The following TTC39A variants were observed in gnomAD, a reference collection of about 807,000 sequenced individuals.
The protein encoded by TTC39A is tetratricopeptide repeat protein 39A.
Under a neutral mutation model 82.3 loss-of-function variants are expected in TTC39A, and 46 were observed. That is an observed-to-expected ratio of 0.56 (90% CI 0.44 to 0.71). The LOEUF (loss-of-function observed/expected upper bound fraction) is 0.71. Ranked by LOEUF, TTC39A falls within the 30% of genes least tolerant of loss-of-function variation. TTC39A has a pLI of 0.00. For missense variants in TTC39A, 543 were observed against 712.9 expected (o/e 0.76, Z 2.71); for synonymous variants, 254 against 275.2 (o/e 0.92, Z 0.76).
chr1:51,320,745 G>T (rs1052849983), intron 2 of TTC39A, among the ~76,000 whole-genome samples: 2 of 151,466 alleles, frequency 1.3e-5, no homozygotes, highest in African/African-American at 4.9e-5. Flanking sequence ...GAGCCACCAC[G>T]CCTAGTTAAA....
intron 5 of TTC39A, among the ~76,000 whole-genome samples, chr1:51,310,065 G>T (rs573646574): frequency 6.6e-6 from 1 of 151,802 alleles, no homozygotes; most frequent in African/African-American, 2.4e-5. Context: ...AGGAGTTTGA[G>T]ACCAGCCTGG....
chr1:51,296,147 G>T lies in TTC39A; in HGVS notation c.1077C>A (p.Ala359=). 6.3e-7 allele frequency: 1 copy of T among 1,597,362 alleles called. No individual in the cohort carries two copies. The highest frequency in any genetic ancestry group is 1.1e-5 in the South Asian group (1 of 88,058). Residue 359 remains alanine, a synonymous_variant, in exon 13 of 18, where the codon GCC becomes GCA. Transcript: ENST00000680483. ...WSKATYIYMK[A]AYLSMFGKED... ...CCTTCCCAAACATGCTGAGGTAGGC[G>T]GCCTTCATGTAAATGTAGGTGGCCT...
At chr1:51,328,547 C>T (rs1645797844) in intron 1 of TTC39A, among the ~76,000 whole-genome samples, 1 of 152,134 alleles carries the variant, frequency 6.6e-6, no homozygotes, top group African/African-American at 2.4e-5. Context: ...GACTTACACA[C>T]ACTGAGTAAA....
chr1:51,344,934 C>T (rs2148326279), intron 1 of TTC39A: 1 of 1,520,764 alleles, frequency 6.6e-7, no homozygotes, highest in Non-Finnish European at 8.8e-7. Context: ...CTGGGTCCTC[C>T]GGCGGCCCCT....
At chr1:51,303,325 G>GT (rs1644749874) in intron 8 of TTC39A, 133 bp from the exon 9 acceptor site, 2 of 719,696 alleles carry the variant, frequency 2.8e-6, no homozygotes, top group Non-Finnish European at 4.6e-6. Flanking sequence ...GGTCAGCTGT[G>GT]TGGCCCTGAG....
At chr1:51,334,195 C>CAAAA (rs763569273), upstream of TTC39A, among the ~76,000 whole-genome samples, 2 of 38,038 alleles carry the variant, frequency 5.3e-5, no homozygotes, top group Non-Finnish European at 1.1e-4. Context: ...CCTGTCTCTA[C>CAAAA]AAAAAAAAAA....
chr1:51,303,265 G>T (rs945174438), intron 8 of TTC39A, 73 bp from the exon 9 acceptor site: 12 of 1,332,210 alleles, frequency 9.0e-6, no homozygotes, highest in Non-Finnish European at 1.1e-5. Flanking sequence ...CAGCTGTGTG[G>T]GCAGTGCTGC....
At chr1:51,337,666 A>G (rs1258686750) in intron 1 of TTC39A, among the ~76,000 whole-genome samples, 2 of 151,812 alleles carry the variant, frequency 1.3e-5, no homozygotes, top group African/African-American at 2.4e-5. Context: ...ACCTCAGATG[A>G]TCTGCCCGCC....
intron 13 of TTC39A, among the ~76,000 whole-genome samples, chr1:51,295,176 T>C (rs1644368737): frequency 1.3e-5 from 2 of 152,192 alleles, no homozygotes; most frequent in South Asian, 4.1e-4. Flanking sequence ...TTATTCACTG[T>C]AGAACCTCTC....
At chr1:51,319,900 G>A (rs928688532) in intron 2 of TTC39A, among the ~76,000 whole-genome samples, 2 of 151,856 alleles carry the variant, frequency 1.3e-5, no homozygotes, top group African/African-American at 4.8e-5. Flanking sequence ...CACGTTGGCC[G>A]GCTGGTCTTG....
intron 1 of TTC39A, among the ~76,000 whole-genome samples, chr1:51,337,379 C>T (rs1645987638): frequency 6.6e-6 from 1 of 151,616 alleles, no homozygotes; most frequent in African/African-American, 2.4e-5. Context: ...GGTCTCAGCT[C>T]AAATATCACC....
intron 11 of TTC39A, 174 bp from the exon 12 acceptor site, chr1:51,301,907 GT>G: frequency 2.4e-6 from 2 of 820,404 alleles, no homozygotes; most frequent in Non-Finnish European, 3.8e-6. Flanking sequence ...TCCAGTCCTG[GT>G]TTTACCTCCT....
Position 51,302,497 on chromosome 1 carries a change from G to T in TTC39A, c.831+9C>A. ...GGGCTGGGGGTACCGGGCAGCACAT[G>T]GGGCTCACCTTAGGGTACCGGTTCA... On this transcript the variant is annotated intron_variant, in intron 10 of 17. Transcript: ENST00000680483. The T allele has an allele frequency of 6.2e-7, 1 of 1,609,262 alleles. No homozygotes were observed. Among genetic ancestry groups the T allele is most frequent in the East Asian group, 2.2e-5 (1 of 44,738 alleles).
At chr1:51,329,913 G>T in intron 1 of TTC39A, 1 of 156,544 alleles carries the variant, frequency 6.4e-6, no homozygotes, top group Non-Finnish European at 1.4e-5. Context: ...GGTTCCTGCT[G>T]CACCCAATGG....
chr1:51,287,339 TA>T lies in TTC39A; in HGVS notation c.*817del, dbSNP rs1299516566. 1 of 152,222 alleles carries T rather than the reference TA, an allele frequency of 6.6e-6. No homozygotes were observed. The highest frequency in any genetic ancestry group is 1.5e-5 in the Non-Finnish European group (1 of 68,032). The allele number at this position is 152,222 out of a possible 1,614,324, so 9.4% of individuals were successfully genotyped here. A position where few individuals can be genotyped will look rare whatever the true frequency, so the allele number is the denominator to read the frequency against. ...AAGTACAGAAGATTTTTATGTTTCA[TA>T]AATTATTCCCAGTGGTTTCAGTTTG... On this transcript the variant is annotated 3_prime_UTR_variant, in exon 18 of 18. Coordinates refer to ENST00000680483, the MANE Select transcript of TTC39A (RefSeq NM_001297663.2).
At position 51,340,893 on chromosome 1, in the gene TTC39A, C is replaced by T. The variant is rs866039215; in HGVS notation, c.53+4098G>A. Among the ~76,000 whole-genome samples, 21 of 152,212 alleles carry T rather than the reference C, an allele frequency of 1.4e-4. 1 individual carries two copies. In the Middle Eastern group the frequency reaches 0.021, roughly 149 times the overall value. On this transcript the variant is annotated intron_variant, in intron 1 of 5. Coordinates refer to the TTC39A transcript ENST00000401051. ...TCAGGCTTCAAAACCAGCCTAAGGC[C>T]GGGTGCGGTAGCTCTTGCCTATAAT...
intron 1 of TTC39A, chr1:51,326,046 G>C (rs1482194569): frequency 6.6e-6 from 1 of 152,366 alleles, no homozygotes. Context: ...TCGTGCTCTA[G>C]GCTATGCGTG....
rs1553177828 is a variant in TTC39A at position 51,312,179 on chromosome 1, A to G, written c.295T>C (p.Ser99Pro). 3 of 1,609,592 alleles carry G rather than the reference A, an allele frequency of 1.9e-6. No individual in the cohort carries two copies. The highest frequency in any genetic ancestry group is 3.3e-4 in the Middle Eastern group (2 of 6,014). Residue 99 changes from serine to proline, a missense_variant, in exon 4 of 18, where the codon TCT becomes CCT. Transcript: ENST00000680483. ...AGGCTGCTGAAGGAATCTGTTACAGAAGACTTCCTCCGGTGCCTGAAGAGG... is the reference window on the plus strand; with the variant it reads ...AGGCTGCTGAAGGAATCTGTTACAGGAGACTTCCTCCGGTGCCTGAAGAGG... ...MLCQRHRRKS[S>P]VTDSFSSLVN...
chr1:51,312,311 C>T (rs1362372554), intron 3 of TTC39A, 116 bp from the exon 4 acceptor site: 2 of 1,077,882 alleles, frequency 1.9e-6, no homozygotes, highest in East Asian at 2.6e-5. Context: ...CAAGAAAGAA[C>T]ACAGGCTTAG....
Sources: allele counts gnomAD v4.1 joint callset (sites outside exome capture counted in the v4.1 genomes callset), GRCh38; gene constraint gnomAD v4.1.1; transcripts MANE v1.5; gene names NCBI Gene and HGNC (gene_info 2026-07-23, HGNC 2026-07-21).